Variants in CDC16 observed in about 807,000 individuals in gnomAD.
CDC16 encodes the protein cell division cycle 16, also known as cell division cycle protein 16 homolog.
Under a neutral mutation model 87.0 loss-of-function variants are expected in CDC16, and 34 were observed. The ratio of observed to expected loss-of-function variants is 0.39; its 90% CI spans 0.30 to 0.52. The LOEUF is 0.52. Among genes scored for constraint, CDC16 ranks in the 20% least tolerant of loss-of-function variants. The pLI is 0.74. For synonymous variants in CDC16, 263 were observed against 260.6 expected, an observed-to-expected ratio of 1.01 and a Z score of -0.09; for missense variants, 653 against 751.9, an observed-to-expected ratio of 0.87 and a Z score of 1.54.
At chr13:114,270,925 T>TA (rs1253299238) in intron 17 of CDC16, among the ~76,000 whole-genome samples, 1 of 143,626 alleles carries the variant, frequency 7.0e-6, no homozygotes, top group African/African-American at 2.6e-5. Context: ...TTTTTTTTTT[T>TA]TTTTTTTTTT....
intron 5 of CDC16, among the ~76,000 whole-genome samples, chr13:114,240,743 T>C (rs1036193040): frequency 6.6e-6 from 1 of 152,164 alleles, no homozygotes; most frequent in Admixed American, 6.5e-5. Context: ...TATTACACAT[T>C]CTAGGTTTTT....
At chr13:114,269,611 A>T (rs1177410400) in intron 17 of CDC16, among the ~76,000 whole-genome samples, 1 of 152,238 alleles carries the variant, frequency 6.6e-6, no homozygotes, top group African/African-American at 2.4e-5. Flanking sequence ...GAGAGGAGAA[A>T]TAAATTGTGG....
intron 17 of CDC16, among the ~76,000 whole-genome samples, chr13:114,267,611 A>C (rs779601327): frequency 3.9e-5 from 6 of 152,268 alleles, no homozygotes; most frequent in Non-Finnish European, 7.3e-5. Flanking sequence ...TATGCCATAT[A>C]CATTTCTGTG....
chr13:114,254,697 C>T (rs2082394057), intron 12 of CDC16, among the ~76,000 whole-genome samples: 1 of 152,156 alleles, frequency 6.6e-6, no homozygotes, highest in Non-Finnish European at 1.5e-5. Flanking sequence ...ACTCTCATTT[C>T]TTCGTGTTGT....
intron 14 of CDC16, 48 bp downstream of exon 14, chr13:114,259,446 T>C (rs748067864): frequency 3.0e-5 from 32 of 1,050,782 alleles, no homozygotes; most frequent in Non-Finnish European, 4.3e-5. Context: ...CCCCTGAGTG[T>C]TTACTGTTAA....
At chr13:114,251,045 T>A (rs1454335122) in intron 12 of CDC16, among the ~76,000 whole-genome samples, 2 of 152,248 alleles carry the variant, frequency 1.3e-5, no homozygotes, top group African/African-American at 4.8e-5. Flanking sequence ...GGTGCAGGAC[T>A]GTATTTGCCA....
chr13:114,235,170 C>T (rs1384403883), intron 1 of CDC16, 38 bp downstream of exon 1: 12 of 1,226,374 alleles, frequency 9.8e-6, no homozygotes, highest in Non-Finnish European at 1.1e-5. Flanking sequence ...GCCCAGGCCT[C>T]GCCGGGTCTT....
At chr13:114,260,687 C>T (rs1014087519) in intron 14 of CDC16, among the ~76,000 whole-genome samples, 2 of 152,132 alleles carry the variant, frequency 1.3e-5, no homozygotes, top group African/African-American at 4.8e-5. Context: ...TCAAAATGCT[C>T]ATTAAAAAGT....
Position 114,242,228 on chromosome 13 carries a change from T to G in CDC16, c.489T>G (p.Cys163Trp). ...YKEALKLDVY[C>W]FEAFDLLTSH... ...AAGCTTTGAAGCTTGATGTCTACTG[T>G]TTTGAAGCGTTCGATCTTTTAACAT... is the stretch of plus-strand genomic sequence containing the variant. Residue 163 changes from cysteine to tryptophan, a missense_variant, in exon 6 of 18, where the codon TGT becomes TGG. Physicochemically the swap from Cys to Trp is radical, Grantham distance 215 (BLOSUM62 -2). Transcript: ENST00000356221. The G allele has an allele frequency of 6.2e-7, 1 of 1,614,186 alleles. No individual in the cohort carries two copies. The highest frequency in any genetic ancestry group is 8.5e-7 in the Non-Finnish European group (1 of 1,180,018).
intron 13 of CDC16, among the ~76,000 whole-genome samples, chr13:114,259,023 C>A (rs901616948): frequency 6.6e-6 from 1 of 150,614 alleles, no homozygotes; most frequent in Non-Finnish European, 1.5e-5. Flanking sequence ...CACTTAAACC[C>A]GGGAGGCAGA....
intron 12 of CDC16, among the ~76,000 whole-genome samples, chr13:114,256,040 G>A (rs556919124): frequency 2.0e-5 from 3 of 152,282 alleles, no homozygotes; most frequent in Non-Finnish European, 4.4e-5. Context: ...GCTTTACAAC[G>A]GCTGTTGTTA....
At chr13:114,266,920 T>C (rs535427866) in intron 17 of CDC16, among the ~76,000 whole-genome samples, 1 of 152,076 alleles carries the variant, frequency 6.6e-6, no homozygotes, top group African/African-American at 2.4e-5. Context: ...ATGATCTTGA[T>C]CTCCTGACCT....
At chr13:114,268,601 C>T (rs557849510) in intron 17 of CDC16, among the ~76,000 whole-genome samples, 3 of 152,288 alleles carry the variant, frequency 2.0e-5, no homozygotes, top group Admixed American at 2.0e-4. Context: ...GAAGTGAAGG[C>T]TCCCTGTCTT....
intron 12 of CDC16, among the ~76,000 whole-genome samples, chr13:114,254,033 A>G (rs2082353321): frequency 6.6e-6 from 1 of 152,132 alleles, no homozygotes. Context: ...TGAGCCTTTT[A>G]TCATTATAAA....
At chr13:114,254,360 C>CT (rs1005578594) in intron 12 of CDC16, among the ~76,000 whole-genome samples, 2 of 152,062 alleles carry the variant, frequency 1.3e-5, no homozygotes, top group Non-Finnish European at 2.9e-5. Flanking sequence ...TTTTAATCCC[C>CT]TTTTTTTATT....
At chr13:114,251,074 A>G (rs2082146323) in intron 12 of CDC16, among the ~76,000 whole-genome samples, 1 of 152,224 alleles carries the variant, frequency 6.6e-6, no homozygotes, top group Non-Finnish European at 1.5e-5. Flanking sequence ...GATTTATATC[A>G]ATATTAAATG....
intron 10 of CDC16, 26 bp downstream of exon 10, chr13:114,246,075 G>GTTT (rs201167565): frequency 1.3e-4 from 117 of 879,804 alleles, no homozygotes; most frequent in Admixed American, 2.6e-4. Flanking sequence ...TTTAGTCTTA[G>GTTT]TTTTTTTTTT....
chr13:114,243,685 G>T (rs1277555453), intron 7 of CDC16, among the ~76,000 whole-genome samples, 171 bp from the exon 8 acceptor site: 3 of 152,178 alleles, frequency 2.0e-5, no homozygotes, highest in Admixed American at 1.3e-4. Flanking sequence ...ATTGAGAAGG[G>T]AATTAAACTT....
In CDC16 at chr13:114,250,607, T is replaced by C. The variant is rs1250166268; in HGVS notation, c.1030T>C (p.Phe344Leu). ...TGCATGGATAGCCTATGGACATTCA[T>C]TTGCGGTGGAGAGTGAGCACGACCA... is the stretch of plus-strand genomic sequence containing the variant. Reference protein sequence around the residue: ...GPAWIAYGHSFAVESEHDQAM... With the variant: ...GPAWIAYGHSLAVESEHDQAM... Residue 344 changes from phenylalanine to leucine, a missense_variant, in exon 12 of 18, where the codon TTT becomes CTT. Transcript: ENST00000356221. 6.2e-7 allele frequency: 1 copy of C among 1,614,068 alleles called. No individual in the cohort carries two copies. Among genetic ancestry groups the C allele is most frequent in the Admixed American group, 1.7e-5 (1 of 60,012 alleles).
Sources: allele counts gnomAD v4.1 joint callset (sites outside exome capture counted in the v4.1 genomes callset), GRCh38; gene constraint gnomAD v4.1.1; transcripts MANE v1.5; gene names NCBI Gene and HGNC (gene_info 2026-07-23, HGNC 2026-07-21).